WDR59: variants seen among roughly 807,000 people sequenced by gnomAD.
The protein encoded by WDR59 is WD repeat domain 59, also known as GATOR2 complex protein WDR59.
A neutral mutation model predicts 131.2 loss-of-function variants in WDR59; 100 were observed. That is an observed-to-expected ratio of 0.76 (90% confidence interval 0.65 to 0.90). The LOEUF (loss-of-function observed/expected upper bound fraction) is 0.90, where lower values mean the gene tolerates loss of function less well. WDR59 is among the 40% of genes least tolerant of loss of function. The pLI, the probability that WDR59 is intolerant of heterozygous loss-of-function variation, is 0.00. For missense variants in WDR59, 1,203 were observed against 1,262.2 expected, an observed-to-expected ratio of 0.95 and a Z score of 0.71; for synonymous variants, 601 against 466.2, an observed-to-expected ratio of 1.29 and a Z score of -3.72.
At chr16:74,948,799 G>A (rs2032809565) in intron 5 of WDR59, among the ~76,000 whole-genome samples, 1 of 152,204 alleles carries the variant, frequency 6.6e-6, no homozygotes, top group Non-Finnish European at 1.5e-5. Context: ...GTCAGAGTTC[G>A]AGACCAGCCT....
chr16:74,874,716 C>T lies in WDR59; in HGVS notation c.2690-272G>A, dbSNP rs186640587. Among the ~76,000 whole-genome samples, 268 of 152,266 alleles carry T rather than the reference C, an allele frequency of 1.8e-3. 2 individuals carry two copies. The highest frequency in any genetic ancestry group is 6.2e-3 in the African/African-American group (259 of 41,550). On this transcript the variant is annotated intron_variant, in intron 25 of 25. Coordinates refer to ENST00000262144, the MANE Select transcript of WDR59 (RefSeq NM_030581.4). ...ATTCAAGTGTCCTGCCTCAGCCTCC[C>T]GAGTAGCTGGAATTACAGGCACCTG...
chr16:74,983,452 C>A (rs1015501880), intron 1 of WDR59, among the ~76,000 whole-genome samples: 5 of 151,720 alleles, frequency 3.3e-5, no homozygotes, highest in Admixed American at 3.3e-4. Flanking sequence ...CAGTCTGGGT[C>A]ATAGAGTGAG....
chr16:74,887,511 C>G (rs1480879028), intron 23 of WDR59, among the ~76,000 whole-genome samples, 172 bp downstream of exon 23: 1 of 152,170 alleles, frequency 6.6e-6, no homozygotes, highest in African/African-American at 2.4e-5. Flanking sequence ...AGAACGTGGT[C>G]TGTTCAACAT....
intron 10 of WDR59, among the ~76,000 whole-genome samples, chr16:74,920,712 G>T (rs2030132058): frequency 6.6e-6 from 1 of 152,158 alleles, no homozygotes; most frequent in Admixed American, 6.5e-5. Flanking sequence ...TTCTACTTAT[G>T]ATATTTTCAA....
chr16:74,978,690 T>A (rs1430486523), intron 1 of WDR59, among the ~76,000 whole-genome samples: 1 of 152,030 alleles, frequency 6.6e-6, no homozygotes, highest in African/African-American at 2.4e-5. Flanking sequence ...AGTGGTTACA[T>A]GACTACATCC....
intron 1 of WDR59, among the ~76,000 whole-genome samples, chr16:74,971,057 G>C (rs1262088324): frequency 6.6e-6 from 1 of 151,588 alleles, no homozygotes; most frequent in African/African-American, 2.4e-5. Flanking sequence ...TAAAAAAAAA[G>C]CCAAAAAAAA....
chr16:74,947,211 G>A (rs913918250), intron 6 of WDR59, among the ~76,000 whole-genome samples: 11 of 152,220 alleles, frequency 7.2e-5, no homozygotes, highest in African/African-American at 2.4e-4. Flanking sequence ...CACTTTGGGA[G>A]GCCAAGTCGG....
intron 25 of WDR59, among the ~76,000 whole-genome samples, chr16:74,877,184 A>T (rs928106690): frequency 2.0e-5 from 3 of 152,226 alleles, no homozygotes; most frequent in African/African-American, 7.2e-5. Flanking sequence ...CTGATAAGTC[A>T]GTATATTTTA....
At chr16:74,889,652 A>G (rs1198648201) in intron 21 of WDR59, 51 bp downstream of exon 21, 2 of 1,484,454 alleles carry the variant, frequency 1.3e-6, no homozygotes. Context: ...GTGTTTACAG[A>G]CCAAAAATGG....
intron 1 of WDR59, among the ~76,000 whole-genome samples, chr16:74,974,090 A>G (rs1279315719): frequency 6.6e-6 from 1 of 152,208 alleles, no homozygotes; most frequent in Non-Finnish European, 1.5e-5. Flanking sequence ...GAATTGCTTC[A>G]ACCCAGGAGG....
At chr16:74,973,073 C>G (rs977126590) in intron 1 of WDR59, among the ~76,000 whole-genome samples, 10 of 151,904 alleles carry the variant, frequency 6.6e-5, no homozygotes, top group African/African-American at 2.4e-4. Context: ...AACCCCATCT[C>G]TACTAAAAAC....
Position 74,916,318 on chromosome 16 carries a change from C to A in WDR59, c.967-59G>T, listed in dbSNP as rs1237271014. The A allele has an allele frequency of 3.7e-6, 6 of 1,606,322 alleles. No homozygotes were observed. The African/African-American group carries it at 8.0e-5, about 21-fold the overall frequency. ...AAGTCCGTGGAAATGATTGTCATGT[C>A]TGATTAAAGAGTTCTGACTTAAAAA... On this transcript the variant is annotated intron_variant, in intron 11 of 25. Transcript: ENST00000262144.
At chr16:74,911,360 C>T (rs998150924) in intron 14 of WDR59, among the ~76,000 whole-genome samples, 1 of 152,160 alleles carries the variant, frequency 6.6e-6, no homozygotes, top group African/African-American at 2.4e-5. Context: ...TTCCTGGTTC[C>T]ATGTGATACC....
chr16:74,979,922 C>T (rs901476792), intron 1 of WDR59, among the ~76,000 whole-genome samples: 13 of 145,984 alleles, frequency 8.9e-5, no homozygotes, highest in Admixed American at 7.1e-5. Context: ...GATCTCAGCT[C>T]ACCACAACCT....
At chr16:74,892,708 T>C (rs72798619) in intron 19 of WDR59, 143 bp from the exon 20 acceptor site, 29,270 of 653,992 alleles carry the variant, frequency 0.045, 884 homozygotes, top group Non-Finnish European at 0.051. Context: ...TGGGCCCCCT[T>C]TCTATCTGAC....
At chr16:74,954,793 A>G (rs1248945275) in intron 3 of WDR59, among the ~76,000 whole-genome samples, 1 of 152,270 alleles carries the variant, frequency 6.6e-6, no homozygotes, top group East Asian at 1.9e-4. Flanking sequence ...AAAAGGAATG[A>G]AGTTCTGATA....
At chr16:74,944,422 C>T (rs1219363274) in intron 6 of WDR59, among the ~76,000 whole-genome samples, 1 of 148,756 alleles carries the variant, frequency 6.7e-6, no homozygotes, top group South Asian at 2.1e-4. Flanking sequence ...GCTAAGACTG[C>T]ACCACTGCAC....
intron 10 of WDR59, among the ~76,000 whole-genome samples, chr16:74,918,629 C>A (rs1966504468): frequency 6.6e-6 from 1 of 152,116 alleles, no homozygotes; most frequent in South Asian, 2.1e-4. Flanking sequence ...GGAAATTATC[C>A]TGAAAAGGTT....
intron 1 of WDR59, among the ~76,000 whole-genome samples, chr16:74,971,715 G>A (rs1322236269): frequency 6.6e-6 from 1 of 151,938 alleles, no homozygotes; most frequent in African/African-American, 2.4e-5. Context: ...TTACAGGTGT[G>A]AGCCACAGCA....
Sources: gnomAD v4.1 joint callset for allele counts (sites outside exome capture counted in the v4.1 genomes callset) on GRCh38, gnomAD v4.1.1 for gene constraint, MANE v1.5 for transcripts, NCBI Gene and HGNC (gene_info 2026-07-23, HGNC 2026-07-21) for gene names.